KLF8: variants seen among roughly 807,000 people sequenced by gnomAD.
KLF8 encodes the protein Krueppel-like factor 8.
Under a neutral mutation model 18.2 loss-of-function variants are expected in KLF8, and 10 were observed. That is an observed-to-expected ratio of 0.55 (90% confidence interval 0.34 to 0.93). The LOEUF (loss-of-function observed/expected upper bound fraction) is 0.93, where lower values mean the gene tolerates loss of function less well. Ranked by LOEUF, KLF8 falls within the 40% of genes least tolerant of loss-of-function variation. The probability of loss-of-function intolerance (pLI) is 0.02; values close to 1 mark genes in which losing one functional copy is unlikely to be tolerated. For missense variants in KLF8, 264 were observed against 277.9 expected (o/e 0.95, Z 0.36); for synonymous variants, 109 against 97.3 (o/e 1.12, Z -0.71).
rs2147716440 is a variant in KLF8 at position 56,289,709 on chromosome X, A to G, written c.*5215A>G. ...TCTATTTACTTAATTTTTCAAATTC[A>G]GTGTGCACATATAGCAGTATCTGAA... On this transcript the variant is annotated 3_prime_UTR_variant, in exon 6 of 6. Coordinates refer to ENST00000468660, the MANE Select transcript of KLF8 (RefSeq NM_007250.5). Among the ~76,000 whole-genome samples, 1 of 111,824 alleles carries G rather than the reference A, an allele frequency of 8.9e-6. No individual in the cohort carries two copies. The highest frequency in any genetic ancestry group is 2.8e-4 in the East Asian group (1 of 3,564).
chrX:56,243,376 G>C, intron 1 of KLF8: 1 of 285,846 alleles, frequency 3.5e-6, no homozygotes, highest in East Asian at 7.7e-5. Context: ...ACTTTAGGAG[G>C]GGCAGGAGCT....
chrX:56,072,489 G>A, the KLF8 span, among the ~76,000 whole-genome samples: 1 of 111,082 alleles, frequency 9.0e-6, no homozygotes, highest in East Asian at 2.8e-4. Context: ...AATCATCCTT[G>A]GCAGTATCTC....
the KLF8 span, among the ~76,000 whole-genome samples, chrX:55,983,769 C>G: frequency 9.0e-6 from 1 of 110,793 alleles, no homozygotes; most frequent in Non-Finnish European, 1.9e-5. Flanking sequence ...TTATCCCTAG[C>G]TCTCTTCCAG....
the KLF8 span, among the ~76,000 whole-genome samples, chrX:56,158,250 T>C: frequency 9.0e-6 from 1 of 111,075 alleles, no homozygotes; most frequent in African/African-American, 3.3e-5. Flanking sequence ...TTGGTCTATA[T>C]CTCTGTTTTG....
chrX:55,911,035 C>T, the KLF8 span, among the ~76,000 whole-genome samples: 1 of 111,793 alleles, frequency 8.9e-6, no homozygotes, highest in East Asian at 2.8e-4. Flanking sequence ...AGAAGCCTTA[C>T]TGATAATATA....
At chrX:55,931,353 T>C in the KLF8 span, among the ~76,000 whole-genome samples, 1 of 112,085 alleles carries the variant, frequency 8.9e-6, no homozygotes, top group Non-Finnish European at 1.9e-5. Context: ...TGAAGGGTTT[T>C]TTGTATCTCT....
At chrX:55,993,511 T>C in the KLF8 span, among the ~76,000 whole-genome samples, 1 of 112,075 alleles carries the variant, frequency 8.9e-6, no homozygotes, top group Non-Finnish European at 1.9e-5. Flanking sequence ...TGCTAGTATT[T>C]TGTTGAAAAT....
At chrX:56,269,580 G>T in intron 4 of KLF8, 91 bp downstream of exon 4, 1 of 1,044,556 alleles carries the variant, frequency 9.6e-7, no homozygotes, top group South Asian at 3.2e-5. Context: ...TGGAACTAAT[G>T]ATCAGACACA....
intron 2 of KLF8, among the ~76,000 whole-genome samples, chrX:56,253,059 T>C (rs2066734951): frequency 8.9e-6 from 1 of 112,715 alleles, no homozygotes; most frequent in South Asian, 3.6e-4. Context: ...AATTGAATTA[T>C]TAGACTTTTT....
At chrX:56,097,483 C>A in the KLF8 span, among the ~76,000 whole-genome samples, 3 of 107,851 alleles carry the variant, frequency 2.8e-5, no homozygotes, top group Non-Finnish European at 5.8e-5. Context: ...GTGTGTGCAC[C>A]ACACCCAGCT....
chrX:56,019,347 G>T, the KLF8 span, among the ~76,000 whole-genome samples: 1 of 112,198 alleles, frequency 8.9e-6, no homozygotes, highest in East Asian at 2.8e-4. Context: ...CTAAACTATG[G>T]CTGCTGTTTT....
the KLF8 span, among the ~76,000 whole-genome samples, chrX:56,047,416 CT>C: frequency 9.9e-6 from 1 of 101,490 alleles, no homozygotes; most frequent in Non-Finnish European, 2.0e-5. Context: ...TCCCTCCCCC[CT>C]CCCCCACCTC....
chrX:56,164,842 G>A, the KLF8 span, among the ~76,000 whole-genome samples: 12 of 86,695 alleles, frequency 1.4e-4, no homozygotes, highest in South Asian at 6.7e-4. Context: ...ATGCTGGTGC[G>A]CTGCACCCAC....
chrX:56,204,590 G>A, the KLF8 span, among the ~76,000 whole-genome samples: 2 of 110,848 alleles, frequency 1.8e-5, no homozygotes, highest in Admixed American at 9.6e-5. Context: ...GTTGAGGTAT[G>A]TTACTTGTTT....
the KLF8 span, among the ~76,000 whole-genome samples, chrX:55,930,148 T>C: frequency 8.9e-6 from 1 of 111,797 alleles, no homozygotes; most frequent in African/African-American, 3.2e-5. Flanking sequence ...GTAGCAATTG[T>C]GAATAGGAGT....
At chrX:56,121,172 C>G in the KLF8 span, among the ~76,000 whole-genome samples, 1 of 87,423 alleles carries the variant, frequency 1.1e-5, no homozygotes, top group Non-Finnish European at 2.1e-5. Flanking sequence ...GGCCACAGAG[C>G]GAGACTCCGT....
the KLF8 span, among the ~76,000 whole-genome samples, chrX:56,088,181 C>G: frequency 9.0e-6 from 1 of 111,047 alleles, no homozygotes; most frequent in East Asian, 2.8e-4. Context: ...AAGAATAATT[C>G]ACCAGAAGCA....
chrX:56,081,925 A>G, the KLF8 span, among the ~76,000 whole-genome samples: 1 of 111,680 alleles, frequency 9.0e-6, no homozygotes, highest in Non-Finnish European at 1.9e-5. Flanking sequence ...TTTTTGTGGT[A>G]TATTAATCTT....
In KLF8 at chrX:56,286,631, T is replaced by G. The variant is rs1479799935; in HGVS notation, c.*2137T>G. 1 of 112,536 alleles carries G rather than the reference T, an allele frequency of 8.9e-6. No homozygotes were observed. Among genetic ancestry groups the G allele is most frequent in the Non-Finnish European group, 1.9e-5 (1 of 53,322 alleles). 9.3% of individuals were successfully genotyped at this position (112,536 alleles called of 1,213,427 possible). A position where few individuals can be genotyped will look rare whatever the true frequency, so the allele number is the denominator to read the frequency against. ...ACATTAGGCACACGCTTCTAACACT[T>G]CTATAATATCTAGATTTTATTTACC... On this transcript the variant is annotated 3_prime_UTR_variant, in exon 6 of 6. Transcript: ENST00000468660.
Sources: gnomAD v4.1 joint callset for allele counts (sites outside exome capture counted in the v4.1 genomes callset) on GRCh38, gnomAD v4.1.1 for gene constraint, MANE v1.5 for transcripts, NCBI Gene and HGNC (gene_info 2026-07-23, HGNC 2026-07-21) for gene names.